MOK: variants seen among roughly 807,000 people sequenced by gnomAD.
The protein encoded by MOK is MOK protein kinase.
A neutral mutation model predicts 54.2 loss-of-function variants in MOK; 59 were observed. That is an observed-to-expected ratio of 1.09 (90% CI 0.88 to 1.35). The LOEUF (loss-of-function observed/expected upper bound fraction) is 1.35. Ranked by LOEUF, MOK falls within the 40% of genes most tolerant of loss-of-function variation. The probability of loss-of-function intolerance (pLI) is 0.00; values close to 1 mark genes in which losing one functional copy is unlikely to be tolerated. For synonymous variants in MOK, 210 were observed against 202.7 expected (o/e 1.04, Z -0.31); for missense variants, 517 against 526.2 (o/e 0.98, Z 0.17).
In MOK at chr14:102,232,102, T is replaced by G; in HGVS notation, c.867-281A>C. On this transcript the variant is annotated intron_variant, in intron 9 of 11. Coordinates refer to ENST00000361847, the MANE Select transcript of MOK (RefSeq NM_014226.3). This position sits in a 1 kb window ranked among gnomAD's most constrained non-coding sequence, Gnocchi z 5.1. ...CTCCACAGTTAGGCAAACAGGAGTG[T>G]CCAGAGGTCCGGAATTAGGTGACCT... The G allele has an allele frequency of 2.5e-6, 1 of 406,398 alleles. No homozygotes were observed. The highest frequency in any genetic ancestry group is 4.0e-5 in the East Asian group (1 of 25,300). 25.2% of individuals were successfully genotyped at this position (406,398 alleles called of 1,614,324 possible). A position where few individuals can be genotyped will look rare whatever the true frequency, so the allele number is the denominator to read the frequency against.
At position 102,235,655 on chromosome 14, in the gene MOK, A is replaced by G. The variant is rs1295402742; in HGVS notation, c.591-1866T>C. 2.6e-5 allele frequency: 4 copies of G among 152,262 alleles called. No individual in the cohort carries two copies. Among genetic ancestry groups the G allele is most frequent in the African/African-American group, 9.6e-5 (4 of 41,458 alleles). 9.4% of individuals were successfully genotyped at this position (152,262 alleles called of 1,614,324 possible). ...AAAGGAATCTCCCAAAAGGCCAATG[A>G]AAACCCTGCCCAATTCCTTTCTCGC... On this transcript the variant is annotated intron_variant, in intron 7 of 11. Transcript: ENST00000361847. This position sits in a 1 kb window ranked among gnomAD's most constrained non-coding sequence, Gnocchi z 4.4.
Position 102,250,832 on chromosome 14 carries a change from A to G in MOK, c.570T>C (p.Cys190=), listed in dbSNP as rs1178715371. The G allele has an allele frequency of 1.2e-6, 2 of 1,613,922 alleles. No homozygotes were observed. Among genetic ancestry groups the G allele is most frequent in the Non-Finnish European group, 1.7e-6 (2 of 1,179,926 alleles). ...GCTACCTGGCGATCTCGTAGAACACACAGCCGGCGCTCCACAGGTCCATCT... is the reference window on the plus strand; with the variant it reads ...GCTACCTGGCGATCTCGTAGAACACGCAGCCGGCGCTCCACAGGTCCATCT... ...TYKMDLWSAG[C]VFYEIASLQP... is the part of the protein sequence containing the mutation. Residue 190 remains cysteine, a synonymous_variant, in exon 7 of 12, where the codon TGT becomes TGC. Coordinates refer to ENST00000361847, the MANE Select transcript of MOK (RefSeq NM_014226.3).
rs752955664 is a variant in MOK at position 102,251,898 on chromosome 14, C to G, written c.362+19G>C. 1.3e-6 allele frequency: 2 copies of G among 1,571,380 alleles called. No individual in the cohort carries two copies. Among genetic ancestry groups the G allele is most frequent in the South Asian group, 2.3e-5 (2 of 88,042 alleles). On this transcript the variant is annotated intron_variant, in intron 5 of 11. Coordinates refer to ENST00000361847, the MANE Select transcript of MOK (RefSeq NM_014226.3). ...CACATTTTATTAATTTCAGAGCTGT[C>G]AAATCTCCGAGAGCATACCTGTGAA...
chr14:102,290,592 T>C (rs563378096), intron 1 of MOK, among the ~76,000 whole-genome samples: 2 of 152,224 alleles, frequency 1.3e-5, no homozygotes, highest in Admixed American at 6.5e-5. Flanking sequence ...TCACAACTGG[T>C]CTGTGTTATG....
Position 102,241,512 on chromosome 14 carries a change from C to T in MOK, c.591-7723G>A, listed in dbSNP as rs777852781. The stretch of plus-strand genomic sequence containing the variant: ...GACCTCTCCCAAATCAGTGTTTAGG[C>T]TCTTTTTCATCAAATATAAAAACTC... On this transcript the variant is annotated intron_variant, in intron 7 of 11. Transcript: ENST00000361847. Among the ~76,000 whole-genome samples the T allele has an allele frequency of 1.7e-4, 26 of 152,212 alleles. 1 individual carries two copies. Among genetic ancestry groups the T allele is most frequent in the Non-Finnish European group, 5.9e-5 (4 of 68,048 alleles).
downstream of MOK, among the ~76,000 whole-genome samples, chr14:102,227,274 C>T (rs1162807802): frequency 6.6e-6 from 1 of 152,110 alleles, no homozygotes; most frequent in Non-Finnish European, 1.5e-5. Context: ...CAGGGCATGG[C>T]CCTCCTAGCC....
intron 2 of MOK, chr14:102,277,400 A>G (rs1163247951): frequency 6.6e-6 from 1 of 152,218 alleles, no homozygotes; most frequent in Non-Finnish European, 1.5e-5. Context: ...AAGCGGGTGG[A>G]TCACCTGAGG....
At chr14:102,270,478 G>A (rs950365239) in intron 2 of MOK, among the ~76,000 whole-genome samples, 6 of 152,106 alleles carry the variant, frequency 3.9e-5, no homozygotes, top group African/African-American at 9.7e-5. Context: ...CAGGGTGCCT[G>A]TAATTCCAGC....
downstream of MOK, chr14:102,224,805 AAAT>A (rs1159194930): frequency 4.4e-6 from 2 of 456,042 alleles, no homozygotes; most frequent in Admixed American, 2.3e-5. Context: ...CTAGAAAGAG[AAAT>A]AATAAAAGAC....
At chr14:102,283,648 C>T (rs529318220) in intron 1 of MOK, 56 bp from the exon 2 acceptor site, 1 of 1,050,686 alleles carries the variant, frequency 9.5e-7, no homozygotes, top group South Asian at 1.4e-5. Flanking sequence ...CACTTGTATT[C>T]ACTTCCAGAC....
At chr14:102,233,494 C>T (rs983911150) in intron 8 of MOK, 194 bp downstream of exon 8, 6 of 567,170 alleles carry the variant, frequency 1.1e-5, no homozygotes, top group Non-Finnish European at 1.9e-5. Flanking sequence ...AGGAAGAGCT[C>T]ACCTTTGAGA....
chr14:102,289,996 A>T (rs1263628652), intron 1 of MOK, among the ~76,000 whole-genome samples: 2 of 152,178 alleles, frequency 1.3e-5, no homozygotes, highest in Non-Finnish European at 2.9e-5. Context: ...AGAACGAGAC[A>T]TCCTCTTCTG....
chr14:102,298,625 G>A (rs975540533), intron 1 of MOK, among the ~76,000 whole-genome samples: 25 of 148,876 alleles, frequency 1.7e-4, no homozygotes, highest in African/African-American at 6.3e-4. Context: ...AGACCAATTG[G>A]CTCTCTGTAA....
chr14:102,278,686 T>C, intron 2 of MOK: 1 of 455,718 alleles, frequency 2.2e-6, no homozygotes, highest in South Asian at 1.5e-5. Flanking sequence ...CGAATTTCAA[T>C]TCCCTAGTCT....
intron 1 of MOK, among the ~76,000 whole-genome samples, chr14:102,298,852 G>A (rs1366858187): frequency 6.6e-6 from 1 of 152,160 alleles, no homozygotes; most frequent in African/African-American, 2.4e-5. Context: ...TCTCTCCTGA[G>A]GCCAGCAAGA....
rs10141854 is a variant in MOK, at chr14:102,290,439, T to C, written c.8-6847A>G. Among the ~76,000 whole-genome samples, 846 of 147,120 alleles carry C rather than the reference T, an allele frequency of 5.8e-3. 8 individuals carry two copies. The highest frequency in any genetic ancestry group is 0.02 in the African/African-American group (809 of 39,804). ...TGGGCAACAAGAGCAAAACTCAGTCTCAAAAAAAAAAGAGAGAAACAAACA... is the reference window on the plus strand; with the variant it reads ...TGGGCAACAAGAGCAAAACTCAGTCCCAAAAAAAAAAGAGAGAAACAAACA... On this transcript the variant is annotated intron_variant, in intron 1 of 11. Coordinates refer to ENST00000361847, the MANE Select transcript of MOK (RefSeq NM_014226.3).
intron 1 of MOK, among the ~76,000 whole-genome samples, chr14:102,304,081 AAAT>A (rs2072520482): frequency 1.3e-5 from 2 of 152,238 alleles, no homozygotes; most frequent in Non-Finnish European, 2.9e-5. Flanking sequence ...AATAAAATAA[AAAT>A]AAAAATGCCT....
chr14:102,292,068 G>C lies in MOK; in HGVS notation c.8-8476C>G, dbSNP rs889633792. 2.6e-5 allele frequency among the ~76,000 whole-genome samples: 4 copies of C among 152,168 alleles called. No individual in the cohort carries two copies. The East Asian group carries it at 7.7e-4, about 29-fold the overall frequency. The stretch of plus-strand genomic sequence containing the variant: ...AAATATCATTAAGACGTAATCCCTA[G>C]TCTTGAGAATTTACAGTATGTCCCT... On this transcript the variant is annotated intron_variant, in intron 1 of 11. Coordinates refer to ENST00000361847, the MANE Select transcript of MOK (RefSeq NM_014226.3).
At chr14:102,262,556 AAAAT>A (rs1170024540) in intron 4 of MOK, among the ~76,000 whole-genome samples, 2 of 152,252 alleles carry the variant, frequency 1.3e-5, no homozygotes, top group African/African-American at 2.4e-5. Flanking sequence ...AGTCACATAT[AAAAT>A]AAATATTGAT....
Sources: gnomAD v4.1 joint callset for allele counts (sites outside exome capture counted in the v4.1 genomes callset) on GRCh38, gnomAD v4.1.1 for gene constraint, Gnocchi (gnomAD v3.1) non-coding constraint, MANE v1.5 for transcripts, NCBI Gene and HGNC (gene_info 2026-07-23, HGNC 2026-07-21) for gene names.